Variants in ACOXL observed in about 807,000 individuals in gnomAD.
The protein encoded by ACOXL is acyl-CoA oxidase like.
ACOXL carries 70 observed loss-of-function variants against 71.9 expected under a neutral mutation model. The ratio of observed to expected loss-of-function variants is 0.97; its 90% CI spans 0.80 to 1.19. ACOXL has a LOEUF of 1.19. Among genes scored for constraint, ACOXL ranks in the 50% most tolerant of loss-of-function variants. The pLI, the probability that ACOXL is intolerant of heterozygous loss-of-function variation, is 0.00. For missense variants in ACOXL, 703 were observed against 736.3 expected (o/e 0.95, Z 0.52); for synonymous variants, 253 against 281.6 (o/e 0.90, Z 1.02).
intron 13 of ACOXL, among the ~76,000 whole-genome samples, chr2:110,990,147 T>G (rs987671813): frequency 3.9e-5 from 6 of 152,244 alleles, no homozygotes; most frequent in Non-Finnish European, 7.3e-5. Flanking sequence ...TGAAAATATA[T>G]TAAATCTATA....
intron 13 of ACOXL, among the ~76,000 whole-genome samples, chr2:110,991,873 C>T (rs987730074): frequency 5.3e-5 from 8 of 152,072 alleles, no homozygotes; most frequent in Non-Finnish European, 7.4e-5. Context: ...TTGAGTAGGA[C>T]GTTTACAGTA....
intron 12 of ACOXL, among the ~76,000 whole-genome samples, chr2:110,935,876 G>C (rs529110635): frequency 6.6e-6 from 1 of 152,068 alleles, no homozygotes; most frequent in East Asian, 1.9e-4. Flanking sequence ...GCGGGGTAGG[G>C]GAGATGTTTT....
rs923364962 is a variant in ACOXL, at chr2:110,799,000, G to T, written c.461-14G>T. ...GGAAGGAGAGCTTAATAATGATCTC[G>T]ATGCCTTCCTTAGGGCCCCACTGTT... On this transcript the variant is annotated splice_polypyrimidine_tract_variant and intron_variant, in intron 6 of 17. Transcript: ENST00000439055. The T allele has an allele frequency of 1.2e-6, 2 of 1,612,888 alleles. No homozygotes were observed. Among genetic ancestry groups the T allele is most frequent in the Non-Finnish European group, 1.7e-6 (2 of 1,178,990 alleles).
At chr2:110,992,621 A>C (rs2063222602) in intron 13 of ACOXL, among the ~76,000 whole-genome samples, 1 of 152,186 alleles carries the variant, frequency 6.6e-6, no homozygotes, top group Non-Finnish European at 1.5e-5. Flanking sequence ...GGTACTGAAA[A>C]GCCTCCATGG....
In ACOXL at chr2:111,024,705, G is replaced by C. The variant is rs144386114; in HGVS notation, c.1282-6922G>C. 1.5e-3 allele frequency among the ~76,000 whole-genome samples: 223 copies of C among 152,072 alleles called. 2 individuals carry two copies. The highest frequency in any genetic ancestry group is 5.1e-3 in the African/African-American group (212 of 41,482). On this transcript the variant is annotated intron_variant, in intron 14 of 17. Coordinates refer to ENST00000439055, the MANE Select transcript of ACOXL (RefSeq NM_001142807.4). ...GTTCCAAGCAGGTAGGTGCAGAAAGGACAAAGAGAAAAAGGCGGTATCTTG... is the reference window on the plus strand; with the variant it reads ...GTTCCAAGCAGGTAGGTGCAGAAAGCACAAAGAGAAAAAGGCGGTATCTTG...
At chr2:110,881,143 TTATATG>T (rs1696589325) in intron 10 of ACOXL, among the ~76,000 whole-genome samples, 1 of 151,736 alleles carries the variant, frequency 6.6e-6, no homozygotes, top group East Asian at 1.9e-4. Flanking sequence ...ATATATATAT[TTATATG>T]TATATGTATG....
At chr2:110,746,318 G>T (rs1678195561) in intron 1 of ACOXL, among the ~76,000 whole-genome samples, 1 of 152,082 alleles carries the variant, frequency 6.6e-6, no homozygotes, top group African/African-American at 2.4e-5. Flanking sequence ...GAGACCCCCA[G>T]ATCCCTGGCT....
Position 110,832,930 on chromosome 2 carries a change from A to C in ACOXL, c.754-8441A>C, listed in dbSNP as rs543870154. On this transcript the variant is annotated intron_variant, in intron 9 of 17. Transcript: ENST00000439055. ...CAGATTTATAAAGTGATAGCGCCAAATGCTGGTGAGGATGTAGAAAAACAG... is the reference window on the plus strand; with the variant it reads ...CAGATTTATAAAGTGATAGCGCCAACTGCTGGTGAGGATGTAGAAAAACAG... Among the ~76,000 whole-genome samples, 20 of 152,326 alleles carry C rather than the reference A, an allele frequency of 1.3e-4. No homozygotes were observed. The South Asian group carries it at 3.9e-3, about 30-fold the overall frequency.
intron 11 of ACOXL, among the ~76,000 whole-genome samples, chr2:110,929,276 A>G (rs2060394033): frequency 6.6e-6 from 1 of 152,166 alleles, no homozygotes; most frequent in Admixed American, 6.5e-5. Flanking sequence ...TTTGTTGGGA[A>G]CTGGAGTGAA....
chr2:110,838,088 AGT>A (rs1690672908), intron 9 of ACOXL, among the ~76,000 whole-genome samples: 1 of 152,192 alleles, frequency 6.6e-6, no homozygotes, highest in Non-Finnish European at 1.5e-5. Context: ...CATGTGGATG[AGT>A]GTGTGTATGC....
At chr2:111,012,721 C>T (rs1467289383) in intron 14 of ACOXL, among the ~76,000 whole-genome samples, 3 of 152,066 alleles carry the variant, frequency 2.0e-5, no homozygotes, top group Admixed American at 1.3e-4. Flanking sequence ...AAGAAGCAAT[C>T]ACAAGGGGAA....
intron 1 of ACOXL, among the ~76,000 whole-genome samples, chr2:110,749,632 G>A (rs1678666642): frequency 6.6e-6 from 1 of 152,212 alleles, no homozygotes; most frequent in Non-Finnish European, 1.5e-5. Flanking sequence ...GGAGGCTGAG[G>A]CAAGAGGATA....
chr2:110,747,470 A>G (rs1678371373), intron 1 of ACOXL, among the ~76,000 whole-genome samples: 1 of 152,188 alleles, frequency 6.6e-6, no homozygotes, highest in Admixed American at 6.5e-5. Context: ...GGGGCTGCAC[A>G]CCCACTTTTG....
chr2:110,778,424 A>G (rs925112784), intron 2 of ACOXL, among the ~76,000 whole-genome samples: 2 of 152,236 alleles, frequency 1.3e-5, no homozygotes, highest in Admixed American at 1.3e-4. Flanking sequence ...TTTGAAATGT[A>G]TCATATATGA....
chr2:110,976,431 G>T (rs978354073), intron 12 of ACOXL, among the ~76,000 whole-genome samples: 2 of 152,228 alleles, frequency 1.3e-5, no homozygotes, highest in Non-Finnish European at 1.5e-5. Flanking sequence ...GAAGAAGGTT[G>T]CTTTGAATGT....
chr2:111,103,948 C>T (rs536298663), intron 17 of ACOXL, among the ~76,000 whole-genome samples: 1 of 152,290 alleles, frequency 6.6e-6, no homozygotes, highest in South Asian at 2.1e-4. Flanking sequence ...ATTTTTGTCA[C>T]CACTTGTGGC....
intron 10 of ACOXL, among the ~76,000 whole-genome samples, chr2:110,891,298 A>G (rs1428171187): frequency 1.3e-5 from 2 of 152,158 alleles, no homozygotes; most frequent in African/African-American, 2.4e-5. Context: ...CATTATAGTT[A>G]TAAGTATTTA....
At chr2:110,900,668 C>G (rs1447707551) in intron 10 of ACOXL, among the ~76,000 whole-genome samples, 1 of 152,200 alleles carries the variant, frequency 6.6e-6, no homozygotes, top group East Asian at 1.9e-4. Flanking sequence ...CTCCTACAGG[C>G]AGCATGAGTC....
chr2:110,927,343 G>A lies in ACOXL; in HGVS notation c.906-6146G>A, dbSNP rs568060531. ...GGACACTGAGCCAAACCAAATCATG[G>A]GTCAAGCTCAAGCTCCCGCATGTGG... is the stretch of plus-strand genomic sequence containing the variant. On this transcript the variant is annotated intron_variant, in intron 11 of 17. Coordinates refer to ENST00000439055, the MANE Select transcript of ACOXL (RefSeq NM_001142807.4). Among the ~76,000 whole-genome samples, 17 of 152,180 alleles carry A rather than the reference G, an allele frequency of 1.1e-4. No individual in the cohort carries two copies. In the South Asian group the frequency reaches 1.5e-3, roughly 13 times the overall value.
Sources: allele counts gnomAD v4.1 joint callset (sites outside exome capture counted in the v4.1 genomes callset), GRCh38; gene constraint gnomAD v4.1.1; transcripts MANE v1.5; gene names NCBI Gene and HGNC (gene_info 2026-07-23, HGNC 2026-07-21).